AGBL2: variants seen among roughly 807,000 people sequenced by gnomAD.
AGBL2 encodes cytosolic carboxypeptidase 2.
In AGBL2, 87 loss-of-function variants were observed where a neutral mutation model predicts 103.0. The ratio of observed to expected loss-of-function variants is 0.84; its 90% CI spans 0.71 to 1.01. The LOEUF (loss-of-function observed/expected upper bound fraction) is 1.01. Among genes scored for constraint, AGBL2 ranks in the 50% least tolerant of loss-of-function variants. The pLI, the probability that AGBL2 is intolerant of heterozygous loss-of-function variation, is 0.00. For synonymous variants in AGBL2, 335 were observed against 356.7 expected, an observed-to-expected ratio of 0.94 and a Z score of 0.69; for missense variants, 904 against 1,023.5, an observed-to-expected ratio of 0.88 and a Z score of 1.59.
In AGBL2 at chr11:47,690,428, T is replaced by C. The variant is rs761283596; in HGVS notation, c.1279A>G (p.Arg427Gly). ...SQFCKLQTLC[R>G]SLAGNTVYLL... ...TAAACGGTATTTCCTGCTAGGCTCCTGCATAAAGTTTGGAGCTTGCAGAAC... is the reference window on the plus strand; with the variant it reads ...TAAACGGTATTTCCTGCTAGGCTCCCGCATAAAGTTTGGAGCTTGCAGAAC... The change falls in exon 10 of 19, where the codon AGG becomes GGG. Residue 427 changes from arginine to glycine, a missense_variant. By Grantham distance (125) the Arg-to-Gly change is moderately radical (BLOSUM62 -2). Transcript: ENST00000525123. 2.3e-5 allele frequency: 37 copies of C among 1,614,070 alleles called. No homozygotes were observed. In the South Asian group the frequency reaches 2.9e-4, roughly 12 times the overall value.
At chr11:47,705,729 A>G (rs2097516271) in intron 5 of AGBL2, 95 bp from the exon 6 acceptor site, 3 of 714,516 alleles carry the variant, frequency 4.2e-6, no homozygotes, top group South Asian at 1.7e-5. Context: ...CTAAAGGCTG[A>G]GGGTCCTTCA....
intron 14 of AGBL2, among the ~76,000 whole-genome samples, chr11:47,671,204 G>T (rs1159425979): frequency 6.6e-6 from 1 of 151,932 alleles, no homozygotes; most frequent in Admixed American, 6.6e-5. Context: ...TCTATGACAG[G>T]GGTCTATACA....
chr11:47,691,729 A>AAAAATATATATATATGT, intron 9 of AGBL2, among the ~76,000 whole-genome samples: 1 of 4,850 alleles, frequency 2.1e-4, no homozygotes, highest in Non-Finnish European at 3.6e-4. Context: ...AAAAAAAAAA[A>AAAAATATATATATATGT]ATATATATAT....
chr11:47,661,565 G>C (rs2097328058), intron 18 of AGBL2, among the ~76,000 whole-genome samples: 1 of 152,080 alleles, frequency 6.6e-6, no homozygotes. Flanking sequence ...ATCAGTGCAA[G>C]AATTCCCAAG....
chr11:47,666,847 G>A, intron 17 of AGBL2, 109 bp downstream of exon 17: 3 of 762,340 alleles, frequency 3.9e-6, no homozygotes, highest in Non-Finnish European at 6.9e-6. Flanking sequence ...GGCACTGTCA[G>A]GTTAGGGTAA....
chr11:47,705,657 A>T, intron 5 of AGBL2, 23 bp from the exon 6 acceptor site: 1 of 555,378 alleles, frequency 1.8e-6, no homozygotes, highest in Non-Finnish European at 3.2e-6. Context: ...AAAAAAAAAA[A>T]GAAAAAGAAA....
intron 4 of AGBL2, 102 bp from the exon 5 acceptor site, chr11:47,706,019 A>T: frequency 1.1e-6 from 1 of 891,402 alleles, no homozygotes; most frequent in Non-Finnish European, 1.9e-6. Flanking sequence ...CTCACTCTGG[A>T]CCCCTGCATT....
intron 18 of AGBL2, 46 bp from the exon 19 acceptor site, chr11:47,660,392 A>G (rs761570569): frequency 7.7e-6 from 12 of 1,558,752 alleles, no homozygotes; most frequent in Non-Finnish European, 1.0e-5. Context: ...TTATTTTGCC[A>G]TTTCCAAATA....
At chr11:47,697,540 CTTTTTTTTT>C (rs56014951) in intron 8 of AGBL2, among the ~76,000 whole-genome samples, 5 of 50,414 alleles carry the variant, frequency 9.9e-5, no homozygotes, top group Non-Finnish European at 1.8e-4. Flanking sequence ...GCCAAGCCTA[CTTTTTTTTT>C]TTTTTTTTTT....
Position 47,692,130 on chromosome 11 carries a change from C to G in AGBL2, c.821G>C (p.Ser274Thr), listed in dbSNP as rs753930497. Reference protein sequence around the residue: ...NTLLFESRFESGNLQKAVRVD... With the variant: ...NTLLFESRFETGNLQKAVRVD... Reference sequence around the variant, plus strand: ...TCTGACAGCTTTTTGCAGATTCCCACTCTCAAACCTTGATTCAAACAGTAG... The same window carrying G: ...TCTGACAGCTTTTTGCAGATTCCCAGTCTCAAACCTTGATTCAAACAGTAG... The change falls in exon 9 of 19, where the codon AGT becomes ACT. Residue 274 changes from serine (S) to threonine (T), a missense_variant. Physicochemically the swap from Ser to Thr is moderately conservative, Grantham distance 58. Transcript: ENST00000525123. The G allele has an allele frequency of 6.2e-7, 1 of 1,612,280 alleles. No individual in the cohort carries two copies. The highest frequency in any genetic ancestry group is 1.7e-5 in the Admixed American group (1 of 59,918).
chr11:47,674,040 G>A lies in AGBL2; in HGVS notation c.2147+3231C>T, dbSNP rs186009397. Among the ~76,000 whole-genome samples, 4 of 147,898 alleles carry A rather than the reference G, an allele frequency of 2.7e-5. No individual in the cohort carries two copies. In the East Asian group the frequency reaches 8.3e-4, roughly 31 times the overall value. Reference sequence around the variant, plus strand: ...CTGGGAGACAGAGGTTGCAGTGAGTGGAGATCACGCCATTGCACTCCAGCC... The same window carrying A: ...CTGGGAGACAGAGGTTGCAGTGAGTAGAGATCACGCCATTGCACTCCAGCC... On this transcript the variant is annotated intron_variant, in intron 14 of 18. Transcript: ENST00000525123.
rs2097349265 is a variant in AGBL2 at position 47,669,008 on chromosome 11, T to A, written c.2148-101A>T. On this transcript the variant is annotated intron_variant, in intron 14 of 18. Transcript: ENST00000525123. ...GCTGTATGGGATTAGGATTAGGATA[T>A]CTTCTAGTCTACTATTTCTCTCATT... The A allele has an allele frequency of 4.0e-6, 3 of 748,124 alleles. No homozygotes were observed. In the Admixed American group the frequency reaches 6.5e-5, roughly 16 times the overall value. 46.3% of individuals were successfully genotyped at this position (748,124 alleles called of 1,614,324 possible).
chr11:47,675,043 T>TA (rs1252579871), intron 14 of AGBL2, among the ~76,000 whole-genome samples: 3 of 152,082 alleles, frequency 2.0e-5, no homozygotes, highest in Non-Finnish European at 2.9e-5. Flanking sequence ...TTAGGTTTTT[T>TA]AAAAAATCAC....
rs544584149 is a variant in AGBL2, at chr11:47,665,735, C to T, written c.2448+1221G>A. ...TTCCAAAGTGTTGGGTTTGGCCAGG[C>T]GTAGTGGCTCACACCTGTAATCCCA... On this transcript the variant is annotated intron_variant, in intron 17 of 18. Coordinates refer to ENST00000525123, the MANE Select transcript of AGBL2 (RefSeq NM_024783.4). Among the ~76,000 whole-genome samples, 199 of 152,042 alleles carry T rather than the reference C, an allele frequency of 1.3e-3. 4 individuals carry two copies. Among genetic ancestry groups the T allele is most frequent in the Non-Finnish European group, 2.2e-3 (148 of 68,002 alleles).
intron 17 of AGBL2, among the ~76,000 whole-genome samples, chr11:47,663,620 A>G (rs998139066): frequency 3.3e-5 from 5 of 150,172 alleles, no homozygotes; most frequent in African/African-American, 2.5e-5. Flanking sequence ...GCAATGGCGC[A>G]ATCTTGGCTC....
chr11:47,697,787 C>T (rs2097481815), intron 8 of AGBL2, among the ~76,000 whole-genome samples: 1 of 151,730 alleles, frequency 6.6e-6, no homozygotes, highest in Non-Finnish European at 1.5e-5. Flanking sequence ...ACCTCGTCGT[C>T]CGCCCGCCTC....
At position 47,686,111 on chromosome 11, in the gene AGBL2, C is replaced by A. The variant is rs993168607; in HGVS notation, c.1632-62G>T. 4.6e-6 allele frequency: 7 copies of A among 1,521,910 alleles called. No individual in the cohort carries two copies. In the African/African-American group the frequency reaches 8.3e-5, roughly 18 times the overall value. 94.3% of individuals were successfully genotyped at this position (1,521,910 alleles called of 1,614,324 possible). On this transcript the variant is annotated intron_variant, in intron 10 of 18. Transcript: ENST00000525123. Reference sequence around the variant, plus strand: ...CAAATGCATACAAATAATTAAGGATCATTTGGTATCTCTTCCTTAAATACA... The same window carrying A: ...CAAATGCATACAAATAATTAAGGATAATTTGGTATCTCTTCCTTAAATACA...
Position 47,667,568 on chromosome 11 carries a change from T to A in AGBL2, c.2340+3A>T, listed in dbSNP as rs373392891. ...GTAGAAATAGCCAGCAAGTCTTTCT[T>A]ACTGAGGTATCTTCTGTTAACTTTA... is the stretch of plus-strand genomic sequence containing the variant. On this transcript the variant is annotated splice_donor_region_variant and intron_variant, in intron 16 of 18. Transcript: ENST00000525123. 1.9e-6 allele frequency: 3 copies of A among 1,613,142 alleles called. No homozygotes were observed. Among genetic ancestry groups the A allele is most frequent in the African/African-American group, 2.7e-5 (2 of 74,830 alleles).
intron 8 of AGBL2, among the ~76,000 whole-genome samples, chr11:47,694,787 A>G (rs1354464008): frequency 6.6e-6 from 1 of 152,164 alleles, no homozygotes; most frequent in African/African-American, 2.4e-5. Context: ...CCACATCAGG[A>G]TGGCGGGCTG....
Sources: gnomAD v4.1 joint callset for allele counts (sites outside exome capture counted in the v4.1 genomes callset) on GRCh38, gnomAD v4.1.1 for gene constraint, MANE v1.5 for transcripts, NCBI Gene and HGNC (gene_info 2026-07-23, HGNC 2026-07-21) for gene names.